ZNF83: variants seen among roughly 807,000 people sequenced by gnomAD.
ZNF83 encodes the protein zinc finger protein 816B.
For synonymous variants in ZNF83, 209 were observed against 213.0 expected (o/e 0.98, Z 0.17); for missense variants, 552 against 629.9 (o/e 0.88, Z 1.32).
In ZNF83 at chr19:52,613,061, G is replaced by A. The variant is rs1422280501; in HGVS notation, c.1504C>T (p.Arg502Cys). 5 of 1,611,222 alleles carry A rather than the reference G, an allele frequency of 3.1e-6. No individual in the cohort carries two copies. The highest frequency in any genetic ancestry group is 1.7e-5 in the Admixed American group (1 of 59,636). Residue 502 changes from arginine (R) to cysteine (C), a missense_variant, in exon 3 of 3, where the codon CGT becomes TGT. Transcript: ENST00000301096. ...TTTCCGGCATGAAATCTCTGATGAC[G>A]TACAAGATATGAATTGTCGCGGAAG...
chr19:52,656,900 C>T lies in ZNF83; in HGVS notation c.-200-1213G>A, dbSNP rs994728328. 5.9e-5 allele frequency among the ~76,000 whole-genome samples: 9 copies of T among 151,776 alleles called. No individual in the cohort carries two copies. In the East Asian group the frequency reaches 1.4e-3, roughly 23 times the overall value. The stretch of plus-strand genomic sequence containing the variant: ...AAAAAAAAAAAATCATGGGCTTCTC[C>T]ATTAATGCTCTCCTGGACACATTGC... On this transcript the variant is annotated intron_variant, in intron 2 of 5. Transcript: ENST00000594682.
chr19:52,663,050 C>A (rs1004303321), intron 1 of ZNF83, among the ~76,000 whole-genome samples: 2 of 151,988 alleles, frequency 1.3e-5, no homozygotes, highest in Non-Finnish European at 2.9e-5. Context: ...GTGGTCCCAG[C>A]TATTTGGGAG....
exon 3 of ZNF83, chr19:52,614,288 A>T (rs376657241): frequency 1.2e-6 from 2 of 1,614,154 alleles, no homozygotes; most frequent in African/African-American, 2.7e-5. Flanking sequence ...CTACATTTGT[A>T]GTGTTCTGTC....
At chr19:52,671,111 C>A (rs780054316) in intron 1 of ZNF83, among the ~76,000 whole-genome samples, 72 of 152,236 alleles carry the variant, frequency 4.7e-4, no homozygotes, top group Non-Finnish European at 6.8e-4. Context: ...ACAAACGATA[C>A]CTTTGAAGGA....
intron 1 of ZNF83, among the ~76,000 whole-genome samples, chr19:52,664,451 C>T (rs2061620931): frequency 6.6e-6 from 1 of 151,988 alleles, no homozygotes; most frequent in African/African-American, 2.4e-5. Flanking sequence ...AGCTCTGATC[C>T]TGTAACAGCT....
intron 1 of ZNF83, among the ~76,000 whole-genome samples, chr19:52,671,444 TAC>T (rs2061723879): frequency 6.6e-6 from 1 of 152,122 alleles, no homozygotes; most frequent in Non-Finnish European, 1.5e-5. Context: ...CTTCAAGTTG[TAC>T]TTTTTTTTTT....
At chr19:52,648,711 C>T (rs903522494) in intron 3 of ZNF83, among the ~76,000 whole-genome samples, 3 of 152,170 alleles carry the variant, frequency 2.0e-5, no homozygotes, top group African/African-American at 7.2e-5. Flanking sequence ...TCAGCTGAAA[C>T]TGGCAGCTCA....
chr19:52,681,558 A>G (rs2061921469), intron 1 of ZNF83, among the ~76,000 whole-genome samples: 1 of 152,224 alleles, frequency 6.6e-6, no homozygotes, highest in African/African-American at 2.4e-5. Context: ...ATAAAATAAC[A>G]TACTGTCCCA....
At chr19:52,649,935 T>C (rs2061421302) in intron 3 of ZNF83, among the ~76,000 whole-genome samples, 1 of 152,084 alleles carries the variant, frequency 6.6e-6, no homozygotes, top group Admixed American at 6.5e-5. Context: ...GAGGCCAAGC[T>C]TAAGCCTCCA....
intron 1 of ZNF83, among the ~76,000 whole-genome samples, chr19:52,664,316 A>T (rs1295640014): frequency 6.6e-6 from 1 of 151,722 alleles, no homozygotes; most frequent in Non-Finnish European, 1.5e-5. Flanking sequence ...GGCAACATGG[A>T]GAAAGCCCGT....
intron 2 of ZNF83, among the ~76,000 whole-genome samples, chr19:52,631,638 T>G (rs139916649): frequency 0.011 from 1,600 of 152,312 alleles, 24 homozygotes; most frequent in African/African-American, 0.037. Context: ...CCTCCCACAT[T>G]ATTCTGGATA....
rs187659984 is a variant in ZNF83 at position 52,618,728 on chromosome 19, G to T, written c.-233-3931C>A. 4.2e-3 allele frequency: 4,118 copies of T among 971,238 alleles called. 15 individuals are homozygous for T. The highest frequency in any genetic ancestry group is 0.016 in the East Asian group (557 of 34,552). 60.2% of individuals were successfully genotyped at this position (971,238 alleles called of 1,614,324 possible). Reference sequence around the variant, plus strand: ...AAGGTTTTAAGCCTTCTTTACTTCTGGAACCCCCACTGAGCTATCATGAAG... The same window carrying T: ...AAGGTTTTAAGCCTTCTTTACTTCTTGAACCCCCACTGAGCTATCATGAAG... On this transcript the variant is annotated intron_variant, in intron 2 of 2. Transcript: ENST00000301096.
intron 1 of ZNF83, among the ~76,000 whole-genome samples, chr19:52,671,940 G>C (rs1016490107): frequency 3.3e-5 from 5 of 152,094 alleles, no homozygotes; most frequent in Non-Finnish European, 7.3e-5. Context: ...ATATAACTAA[G>C]TTATAAAATT....
intron 1 of ZNF83, chr19:52,635,742 A>G (rs1471320244): frequency 1.3e-5 from 2 of 152,006 alleles, no homozygotes; most frequent in African/African-American, 4.8e-5. Context: ...TGCCTGTAAT[A>G]CTAGCACTCT....
At chr19:52,659,020 C>T (rs1055987535) in intron 2 of ZNF83, among the ~76,000 whole-genome samples, 3 of 152,144 alleles carry the variant, frequency 2.0e-5, no homozygotes, top group African/African-American at 7.2e-5. Flanking sequence ...CCCAGCAGGA[C>T]TGGCAAAGCA....
At chr19:52,646,456 C>CG (rs2061373648) in intron 3 of ZNF83, among the ~76,000 whole-genome samples, 1 of 152,054 alleles carries the variant, frequency 6.6e-6, no homozygotes, top group Non-Finnish European at 1.5e-5. Context: ...GGCCAAGGTA[C>CG]GAGGATCACT....
chr19:52,653,983 A>G, intron 3 of ZNF83: 1 of 1,410,258 alleles, frequency 7.1e-7, no homozygotes, highest in Non-Finnish European at 1.0e-6. Context: ...CCTATTAGAA[A>G]TATGGGTTTT....
intron 2 of ZNF83, among the ~76,000 whole-genome samples, chr19:52,623,847 G>A (rs750770790): frequency 1.1e-4 from 16 of 152,210 alleles, no homozygotes; most frequent in Non-Finnish European, 2.1e-4. Flanking sequence ...AGCTGGACGA[G>A]TCTTACAGGT....
chr19:52,666,824 C>A lies in ZNF83; in HGVS notation c.-282-5981G>T, dbSNP rs2061660203. Among the ~76,000 whole-genome samples the A allele has an allele frequency of 1.3e-5, 2 of 152,152 alleles. 1 individual carries two copies. The highest frequency in any genetic ancestry group is 4.1e-4 in the South Asian group (2 of 4,822). On this transcript the variant is annotated intron_variant, in intron 1 of 5. Transcript: ENST00000594682. ...GGCCTAGGAGGAACTCCCTTCCAGACAGGACTATACAGGGTTTCTCCCAGG... is the reference window on the plus strand; with the variant it reads ...GGCCTAGGAGGAACTCCCTTCCAGAAAGGACTATACAGGGTTTCTCCCAGG...
Sources: allele counts gnomAD v4.1 joint callset (sites outside exome capture counted in the v4.1 genomes callset), GRCh38; gene constraint gnomAD v4.1.1; transcripts MANE v1.5; gene names NCBI Gene and HGNC (gene_info 2026-07-23, HGNC 2026-07-21).